The following RBCK1 variants were observed in gnomAD, a reference collection of about 807,000 sequenced individuals.
RBCK1 encodes ranBP-type and C3HC4-type zinc finger-containing protein 1.
In RBCK1, 44 loss-of-function variants were observed where a neutral mutation model predicts 71.1. The observed-to-expected ratio is 0.62, with a 90% CI of 0.49 to 0.80. The LOEUF (loss-of-function observed/expected upper bound fraction) is 0.80. Ranked by LOEUF, RBCK1 falls within the 30% of genes least tolerant of loss-of-function variation. The pLI is 0.00. For missense variants in RBCK1, 569 were observed against 685.0 expected (o/e 0.83, Z 1.89); for synonymous variants, 306 against 279.7 (o/e 1.09, Z -0.94).
At chr20:421,708 G>A (rs940021141) in intron 7 of RBCK1, among the ~76,000 whole-genome samples, 3 of 152,094 alleles carry the variant, frequency 2.0e-5, no homozygotes, top group Non-Finnish European at 4.4e-5. Flanking sequence ...TTGGTGGCTG[G>A]AGCAGAGGGA....
chr20:419,741 A>G lies in RBCK1; in HGVS notation c.756+10A>G, dbSNP rs1176727767. The G allele has an allele frequency of 4.5e-6, 7 of 1,548,668 alleles. No individual in the cohort carries two copies. The highest frequency in any genetic ancestry group is 6.1e-6 in the Non-Finnish European group (7 of 1,150,736). ...GCGTCAGTACCAGCAGGTGGGCGGG[A>G]AAGTCCCTGGACAGACACCTGCAGA... is the stretch of plus-strand genomic sequence containing the variant. On this transcript the variant is annotated intron_variant, in intron 6 of 11. Transcript: ENST00000356286.
chr20:410,138 C>T (rs1568548085), intron 2 of RBCK1, 113 bp downstream of exon 2: 10 of 1,198,978 alleles, frequency 8.3e-6, no homozygotes, highest in Non-Finnish European at 1.2e-5. Context: ...TGGCTTCTAA[C>T]CCTAGTTATG....
intron 2 of RBCK1, among the ~76,000 whole-genome samples, chr20:413,723 C>T (rs780685911): frequency 2.0e-5 from 3 of 152,076 alleles, no homozygotes; most frequent in Admixed American, 1.3e-4. Flanking sequence ...TCTGGGCAAC[C>T]GGCACCTCTC....
rs2016057015 is a variant in RBCK1 at position 417,393 on chromosome 20, G to GC, written c.168-133_168-132insC. 1.2e-6 allele frequency: 1 copy of GC among 835,066 alleles called. No homozygotes were observed. The highest frequency in any genetic ancestry group is 2.0e-5 in the African/African-American group (1 of 50,726). 51.7% of individuals were successfully genotyped at this position (835,066 alleles called of 1,614,324 possible). Reference sequence around the variant, plus strand: ...TGGGTGGGGCCTACCCCAGACTGGGGTTTGTGTGTGTGTGTGTGTGTGTGT... The same window carrying GC: ...TGGGTGGGGCCTACCCCAGACTGGGGCTTTGTGTGTGTGTGTGTGTGTGTGT... On this transcript the variant is annotated intron_variant, in intron 2 of 11. Transcript: ENST00000356286. This position sits in a 1 kb window ranked among gnomAD's most constrained non-coding sequence, Gnocchi z 4.7.
rs67707964 is a variant in RBCK1, at chr20:417,395, T to TTGTG, written c.168-106_168-103dup. ...GGTGGGGCCTACCCCAGACTGGGGT[T>TTGTG]TGTGTGTGTGTGTGTGTGTGTGTGT... On this transcript the variant is annotated intron_variant, in intron 2 of 11. Transcript: ENST00000356286. The surrounding 1 kb of genome is among the most constrained non-coding windows in gnomAD (Gnocchi z 4.7). 1,367 of 765,532 alleles carry TTGTG rather than the reference T, an allele frequency of 1.8e-3. 4 individuals are homozygous for TTGTG. Among genetic ancestry groups the TTGTG allele is most frequent in the African/African-American group, 8.4e-3 (484 of 57,348 alleles). The allele number at this position is 765,532 out of a possible 1,614,324, so 47.4% of individuals were successfully genotyped here.
At chr20:420,384 G>A (rs930136382) in intron 6 of RBCK1, 6 of 984,274 alleles carry the variant, frequency 6.1e-6, no homozygotes, top group Non-Finnish European at 7.2e-6. Context: ...ATTCCCCTTG[G>A]ACCCGGTGCT....
intron 4 of RBCK1, 86 bp from the exon 5 acceptor site, chr20:419,261 G>T: frequency 6.4e-7 from 1 of 1,568,076 alleles, no homozygotes; most frequent in Non-Finnish European, 8.7e-7. Context: ...GGGAGGGTCT[G>T]CCTGGCTGGC....
intron 7 of RBCK1, among the ~76,000 whole-genome samples, chr20:421,777 G>A (rs1449016303): frequency 6.6e-6 from 1 of 152,126 alleles, no homozygotes; most frequent in Non-Finnish European, 1.5e-5. Context: ...GCAGTGAGGA[G>A]TTGGGATTTG....
chr20:419,341 C>A lies in RBCK1; in HGVS notation c.461-6C>A. 6.2e-7 allele frequency: 1 copy of A among 1,611,786 alleles called. No individual in the cohort carries two copies. The highest frequency in any genetic ancestry group is 8.5e-7 in the Non-Finnish European group (1 of 1,179,812). On this transcript the variant is annotated splice_polypyrimidine_tract_variant and splice_region_variant and intron_variant, in intron 4 of 11. Coordinates refer to ENST00000356286, the MANE Select transcript of RBCK1 (RefSeq NM_031229.4). Reference sequence around the variant, plus strand: ...GGAACCACCACCCTTTAACCCTCCTCCACAGATCTGGGCTTCAAGGACCTC... The same window carrying A: ...GGAACCACCACCCTTTAACCCTCCTACACAGATCTGGGCTTCAAGGACCTC...
At chr20:412,044 T>G (rs1046176801) in intron 2 of RBCK1, among the ~76,000 whole-genome samples, 1 of 152,250 alleles carries the variant, frequency 6.6e-6, no homozygotes, top group East Asian at 1.9e-4. Flanking sequence ...TGTTACTTTT[T>G]GAAGAAATGC....
Position 430,274 on chromosome 20 carries a change from G to T in RBCK1, c.1453-76G>T. On this transcript the variant is annotated intron_variant, in intron 11 of 11. Transcript: ENST00000356286. This position sits in a 1 kb window ranked among gnomAD's most constrained non-coding sequence, Gnocchi z 5.6. Reference sequence around the variant, plus strand: ...GAGGACCTGCAGAGGCAAAGGCCCGGGGTGGGAGAGCGCTCGGCTGTGGGG... The same window carrying T: ...GAGGACCTGCAGAGGCAAAGGCCCGTGGTGGGAGAGCGCTCGGCTGTGGGG... 1 of 1,341,648 alleles carries T rather than the reference G, an allele frequency of 7.5e-7. No homozygotes were observed. The allele number at this position is 1,341,648 out of a possible 1,614,324, so 83.1% of individuals were successfully genotyped here. A position where few individuals can be genotyped will look rare whatever the true frequency, so the allele number is the denominator to read the frequency against.
intron 4 of RBCK1, among the ~76,000 whole-genome samples, chr20:418,647 C>A (rs150678322): frequency 4.6e-5 from 7 of 152,316 alleles, no homozygotes; most frequent in East Asian, 1.9e-4. Context: ...GGATTACAGG[C>A]GTGAGCCACC....
intron 2 of RBCK1, 121 bp downstream of exon 2, chr20:410,146 A>G: frequency 9.0e-7 from 1 of 1,115,930 alleles, no homozygotes; most frequent in Non-Finnish European, 1.3e-6. Flanking sequence ...AACCCTAGTT[A>G]TGTCATTAAT....
chr20:409,203 G>C (rs1445998510), intron 1 of RBCK1, among the ~76,000 whole-genome samples: 2 of 152,186 alleles, frequency 1.3e-5, no homozygotes, highest in African/African-American at 4.8e-5. Context: ...CAGAGGCCCT[G>C]GGTGGCCCAC....
chr20:410,808 T>C (rs1051904954), intron 2 of RBCK1: 2 of 410,922 alleles, frequency 4.9e-6, no homozygotes, highest in Non-Finnish European at 8.8e-6. Context: ...GGCAATAGTT[T>C]TATGGTTTCT....
chr20:411,040 C>T (rs987892226), intron 2 of RBCK1, among the ~76,000 whole-genome samples: 5 of 152,156 alleles, frequency 3.3e-5, no homozygotes, highest in Admixed American at 6.5e-5. Context: ...TACCTTTTCC[C>T]TAACTCCCCA....
At chr20:424,517 C>T (rs980716387) in intron 8 of RBCK1, among the ~76,000 whole-genome samples, 1 of 151,224 alleles carries the variant, frequency 6.6e-6, no homozygotes, top group African/African-American at 2.4e-5. Flanking sequence ...CCAAGAGGTT[C>T]TGCCCCTGGG....
chr20:420,810 TC>T, intron 6 of RBCK1, 60 bp from the exon 7 acceptor site: 1 of 1,471,702 alleles, frequency 6.8e-7, no homozygotes, highest in East Asian at 2.6e-5. Flanking sequence ...CCTTCCCCCT[TC>T]GGGGTCTGAC....
chr20:411,159 C>A (rs1474849741), intron 2 of RBCK1, among the ~76,000 whole-genome samples: 2 of 151,992 alleles, frequency 1.3e-5, no homozygotes, highest in African/African-American at 2.4e-5. Flanking sequence ...GCTTCTTTCA[C>A]TTAGGATCGT....
Sources: gnomAD v4.1 joint callset for allele counts (sites outside exome capture counted in the v4.1 genomes callset) on GRCh38, gnomAD v4.1.1 for gene constraint, Gnocchi (gnomAD v3.1) non-coding constraint, MANE v1.5 for transcripts, NCBI Gene and HGNC (gene_info 2026-07-23, HGNC 2026-07-21) for gene names.